Variants in COL3A1 observed in about 807,000 individuals in gnomAD.
COL3A1 encodes collagen type III alpha 1 chain.
A neutral mutation model predicts 200.9 loss-of-function variants in COL3A1; 46 were observed. The ratio of observed to expected loss-of-function variants is 0.23; its 90% confidence interval spans 0.18 to 0.29. The LOEUF (loss-of-function observed/expected upper bound fraction) is 0.29, where lower values mean the gene tolerates loss of function less well. COL3A1 is among the 10% of genes least tolerant of loss of function. The pLI is 1.00. For synonymous variants in COL3A1, 650 were observed against 628.0 expected (o/e 1.03, Z -0.52); for missense variants, 1,367 against 1,917.6 (o/e 0.71, Z 5.36).
In COL3A1 at chr2:189,004,272, CT is replaced by C; in HGVS notation, c.2841del (p.Ile949LeufsTer287). 1 of 1,605,616 alleles carries C rather than the reference CT, an allele frequency of 6.2e-7. No individual in the cohort carries two copies. The highest frequency in any genetic ancestry group is 8.5e-7 in the Non-Finnish European group (1 of 1,176,314). ...AQGPPGAPGP[L>X]GIAGITGARG... ...TCTGTATTAGGGAGCTCCAGGCCCA[CT>C]TGGGATTGCTGGGATCACTGGAGCA... On this transcript the variant is annotated frameshift_variant, in exon 40 of 51. Transcript: ENST00000304636. LOFTEE classifies it high-confidence loss of function.
chr2:188,974,377 G>C lies in COL3A1; in HGVS notation c.-113G>C. On this transcript the variant is annotated 5_prime_UTR_variant, in exon 1 of 51. Coordinates refer to ENST00000304636, the MANE Select transcript of COL3A1 (RefSeq NM_000090.4). ...CCAAAGCAAAGGAATCTCAGTGGCT[G>C]AGTTTTATGACGGGCCCGGTGCTGA... The C allele has an allele frequency of 1.3e-6, 1 of 758,480 alleles. No individual in the cohort carries two copies. 47.0% of individuals were successfully genotyped at this position (758,480 alleles called of 1,614,324 possible).
intron 11 of COL3A1, 65 bp downstream of exon 11, chr2:188,991,122 A>T (rs1023595929): frequency 2.4e-5 from 37 of 1,510,852 alleles, no homozygotes; most frequent in Non-Finnish European, 3.4e-5. Flanking sequence ...TACATATAAG[A>T]TTCATATTGT....
chr2:188,998,526 T>G (rs1418116035), intron 28 of COL3A1, 148 bp from the exon 29 acceptor site: 5 of 979,866 alleles, frequency 5.1e-6, no homozygotes, highest in Non-Finnish European at 7.8e-6. Context: ...AGTTCATAGT[T>G]TCAAGATTTG....
intron 14 of COL3A1, 31 bp downstream of exon 14, chr2:188,992,259 A>G: frequency 6.2e-7 from 1 of 1,604,096 alleles, no homozygotes; most frequent in Non-Finnish European, 8.5e-7. Flanking sequence ...TATGTGTTGT[A>G]GGGTAATGAG....
intron 1 of COL3A1, among the ~76,000 whole-genome samples, chr2:188,983,050 A>G (rs1687987297): frequency 6.6e-6 from 1 of 151,898 alleles, no homozygotes; most frequent in Non-Finnish European, 1.5e-5. Flanking sequence ...GGCCTACTTC[A>G]TTTCCACTGA....
At chr2:188,977,005 A>T (rs1236734948) in intron 1 of COL3A1, among the ~76,000 whole-genome samples, 1 of 152,178 alleles carries the variant, frequency 6.6e-6, no homozygotes, top group East Asian at 1.9e-4. Context: ...TAAGGAAATT[A>T]GTATGTTACG....
intron 1 of COL3A1, 97 bp downstream of exon 1, chr2:188,974,665 A>G (rs550195872): frequency 5.1e-4 from 483 of 942,390 alleles, no homozygotes; most frequent in Non-Finnish European, 7.2e-4. Context: ...GCCTGATTCA[A>G]GATAATTTCC....
At chr2:189,007,055 G>A (rs568481006) in intron 44 of COL3A1, 65 bp downstream of exon 44, 33 of 1,219,150 alleles carry the variant, frequency 2.7e-5, no homozygotes, top group Admixed American at 8.4e-5. Context: ...CTACAGTGTA[G>A]GAAATATTTT....
intron 10 of COL3A1, 23 bp from the exon 11 acceptor site, chr2:188,990,981 T>G: frequency 6.2e-7 from 1 of 1,609,014 alleles, no homozygotes; most frequent in Non-Finnish European, 8.5e-7. Context: ...TTAATAATTT[T>G]GCTGGTTTTA....
At position 189,005,445 on chromosome 2, in the gene COL3A1, A is replaced by G. The variant is rs1688564473; in HGVS notation, c.3027A>G (p.Glu1009=). 1.3e-5 allele frequency: 21 copies of G among 1,614,000 alleles called. No individual in the cohort carries two copies. Among genetic ancestry groups the G allele is most frequent in the Non-Finnish European group, 1.7e-5 (20 of 1,179,876 alleles). Residue 1009 remains glutamate (E), a synonymous_variant, in exon 41 of 51, where the codon GAA becomes GAG. Transcript: ENST00000304636. ...CTGGTCTGGCTGGTACAGCTGGTGA[A>G]CCTGGAAGAGATGTGAGTAGCAGTT... ...GLPGLAGTAG[E]PGRDGNPGSD...
intron 44 of COL3A1, 62 bp downstream of exon 44, chr2:189,007,052 G>A: frequency 1.5e-6 from 2 of 1,302,758 alleles, no homozygotes; most frequent in Middle Eastern, 2.7e-4. Flanking sequence ...ATTCTACAGT[G>A]TAGGAAATAT....
intron 46 of COL3A1, 37 bp downstream of exon 46, chr2:189,007,975 T>G: frequency 6.2e-7 from 1 of 1,614,084 alleles, no homozygotes. Flanking sequence ...GTCCACATGT[T>G]TCAGATGTCT....
intron 40 of COL3A1, 69 bp from the exon 41 acceptor site, chr2:189,005,281 T>C: frequency 2.2e-6 from 3 of 1,334,524 alleles, no homozygotes; most frequent in Non-Finnish European, 3.2e-6. Flanking sequence ...AAAATAAAGA[T>C]ATCTGATAAC....
At position 189,012,085 on chromosome 2, in the gene COL3A1, G is replaced by T. The variant is rs1052073287; in HGVS notation, c.*311G>T. On this transcript the variant is annotated 3_prime_UTR_variant, in exon 51 of 51. Coordinates refer to ENST00000304636, the MANE Select transcript of COL3A1 (RefSeq NM_000090.4). Reference sequence around the variant, plus strand: ...ACTGTGTTATATTCTTTGAATCCTAGCCCATCTGCAGAGCAATGACTGTGC... The same window carrying T: ...ACTGTGTTATATTCTTTGAATCCTATCCCATCTGCAGAGCAATGACTGTGC... The T allele has an allele frequency of 1.7e-5, 6 of 343,842 alleles. No homozygotes were observed. Among genetic ancestry groups the T allele is most frequent in the Non-Finnish European group, 3.3e-5 (6 of 181,984 alleles). 21.3% of individuals were successfully genotyped at this position (343,842 alleles called of 1,614,324 possible). A position where few individuals can be genotyped will look rare whatever the true frequency, so the allele number is the denominator to read the frequency against.
At position 188,991,729 on chromosome 2, in the gene COL3A1, A is replaced by G. The variant is rs1559055167; in HGVS notation, c.951+7A>G. On this transcript the variant is annotated splice_region_variant and intron_variant, in intron 13 of 50. Coordinates refer to ENST00000304636, the MANE Select transcript of COL3A1 (RefSeq NM_000090.4). The stretch of plus-strand genomic sequence containing the variant: ...AGGACTTCCTGGGGCTGCAGTGAGT[A>G]TAGCTGCTAACATCACACAATTACA... The G allele has an allele frequency of 1.9e-6, 3 of 1,613,384 alleles. No individual in the cohort carries two copies. The highest frequency in any genetic ancestry group is 2.5e-6 in the Non-Finnish European group (3 of 1,179,518).
At chr2:189,010,945 T>C in intron 50 of COL3A1, 55 bp downstream of exon 50, 2 of 1,603,878 alleles carry the variant, frequency 1.2e-6, no homozygotes, top group Non-Finnish European at 1.7e-6. Flanking sequence ...TTTAGTTTAA[T>C]CATGCAAATT....
intron 50 of COL3A1, 147 bp from the exon 51 acceptor site, chr2:189,011,481 G>T: frequency 1.2e-6 from 1 of 839,662 alleles, no homozygotes; most frequent in Non-Finnish European, 1.9e-6. Context: ...TTACAGCTTT[G>T]AAGTAGAGCA....
At chr2:188,978,564 C>T (rs888014375) in intron 1 of COL3A1, among the ~76,000 whole-genome samples, 1 of 151,814 alleles carries the variant, frequency 6.6e-6, no homozygotes, top group African/African-American at 2.4e-5. Context: ...GATATCACCG[C>T]CTTGAAGTGA....
chr2:188,990,068 C>T (rs375284698), intron 8 of COL3A1, 28 bp from the exon 9 acceptor site: 2 of 1,608,676 alleles, frequency 1.2e-6, no homozygotes, highest in African/African-American at 2.7e-5. Flanking sequence ...TACATGAGCA[C>T]CTACGTATTC....
Sources: gnomAD v4.1 joint callset for allele counts (sites outside exome capture counted in the v4.1 genomes callset) on GRCh38, gnomAD v4.1.1 for gene constraint, MANE v1.5 for transcripts, NCBI Gene and HGNC (gene_info 2026-07-23, HGNC 2026-07-21) for gene names.